The following GALNT13 variants were observed in gnomAD, a reference collection of about 807,000 sequenced individuals.
GALNT13 encodes UDP-GalNAc:polypeptide N-acetylgalactosaminyltransferase 13.
GALNT13 carries 28 observed loss-of-function variants against 64.2 expected under a neutral mutation model. That is an observed-to-expected ratio of 0.44 (90% CI 0.32 to 0.60). The LOEUF (loss-of-function observed/expected upper bound fraction) is 0.60. GALNT13 is among the 20% of genes least tolerant of loss of function. GALNT13 has a pLI of 0.05. For missense variants in GALNT13, 577 were observed against 669.8 expected (o/e 0.86, Z 1.53); for synonymous variants, 214 against 224.6 (o/e 0.95, Z 0.42).
intron 3 of GALNT13, among the ~76,000 whole-genome samples, chr2:154,067,034 G>GCTTGTT (rs1700504001): frequency 6.6e-6 from 1 of 151,882 alleles, no homozygotes; most frequent in Admixed American, 6.6e-5. Context: ...TGCTTTTCCT[G>GCTTGTT]TTTGTTTGCT....
chr2:153,383,379 C>T, the GALNT13 span, among the ~76,000 whole-genome samples: 2 of 152,008 alleles, frequency 1.3e-5, no homozygotes, highest in Admixed American at 1.3e-4. Flanking sequence ...CACACACAGC[C>T]TCATTCTCTA....
the GALNT13 span, among the ~76,000 whole-genome samples, chr2:153,097,838 G>A: frequency 6.6e-6 from 1 of 152,124 alleles, no homozygotes; most frequent in African/African-American, 2.4e-5. Context: ...GGCCGAGGTG[G>A]GTGGATCACC....
the GALNT13 span, among the ~76,000 whole-genome samples, chr2:153,199,804 A>G: frequency 1.8e-4 from 27 of 152,226 alleles, no homozygotes; most frequent in Non-Finnish European, 1.0e-4. Context: ...ATTTATAGGC[A>G]TATCAAAAAA....
intron 1 of GALNT13, among the ~76,000 whole-genome samples, chr2:153,872,561 T>G (rs1439562901): frequency 6.8e-6 from 1 of 146,534 alleles, no homozygotes; most frequent in Non-Finnish European, 1.5e-5. Flanking sequence ...CGCGGAACTT[T>G]CTGCCGCCGC....
At chr2:154,264,992 GA>G (rs2105911584) in intron 8 of GALNT13, among the ~76,000 whole-genome samples, 1 of 150,166 alleles carries the variant, frequency 6.7e-6, no homozygotes, top group Non-Finnish European at 1.5e-5. Flanking sequence ...TATATATATG[GA>G]AAAGCAATGA....
chr2:154,191,412 G>A (rs1686571970), intron 4 of GALNT13, among the ~76,000 whole-genome samples: 2 of 152,098 alleles, frequency 1.3e-5, no homozygotes, highest in Admixed American at 1.3e-4. Flanking sequence ...AGCTGCACTT[G>A]GAAGCAAGAA....
At chr2:153,445,586 C>G in the GALNT13 span, among the ~76,000 whole-genome samples, 1 of 152,104 alleles carries the variant, frequency 6.6e-6, no homozygotes, top group Admixed American at 6.5e-5. Flanking sequence ...CTGTGTTGCT[C>G]AGGCTGGTCT....
At chr2:154,292,710 G>A (rs1692712798) in intron 8 of GALNT13, among the ~76,000 whole-genome samples, 1 of 152,134 alleles carries the variant, frequency 6.6e-6, no homozygotes, top group Non-Finnish European at 1.5e-5. Flanking sequence ...TATATTAAAG[G>A]ATGACTTCGT....
the GALNT13 span, among the ~76,000 whole-genome samples, chr2:153,398,053 G>A: frequency 1.0e-3 from 153 of 150,746 alleles, no homozygotes; most frequent in Middle Eastern, 3.4e-3. Flanking sequence ...GGTATATCTC[G>A]CAATGCTATC....
At chr2:153,382,910 C>A in the GALNT13 span, among the ~76,000 whole-genome samples, 4 of 151,994 alleles carry the variant, frequency 2.6e-5, no homozygotes, top group Middle Eastern at 6.4e-3. Context: ...GGAATAGTTA[C>A]AATTCCAAGT....
the GALNT13 span, among the ~76,000 whole-genome samples, chr2:153,517,008 A>C: frequency 6.6e-6 from 1 of 151,742 alleles, no homozygotes; most frequent in Non-Finnish European, 1.5e-5. Flanking sequence ...CTGAGTTCTT[A>C]GTATGTGTGT....
the GALNT13 span, among the ~76,000 whole-genome samples, chr2:153,760,082 T>C: frequency 4.3e-4 from 66 of 152,206 alleles, no homozygotes; most frequent in Non-Finnish European, 8.4e-4. Flanking sequence ...CATACAATTA[T>C]TCAAAGTAAT....
At position 154,157,725 on chromosome 2, in the gene GALNT13, G is replaced by A. The variant is rs576143362; in HGVS notation, c.311+17220G>A. On this transcript the variant is annotated intron_variant, in intron 4 of 12. Transcript: ENST00000392825. ...ATTTTGTTTTGAATTCCCTGCAATT[G>A]ACTTTTATCCCCACAATACAGCAAA... is the stretch of plus-strand genomic sequence containing the variant. Among the ~76,000 whole-genome samples the A allele has an allele frequency of 5.3e-5, 8 of 152,222 alleles. No homozygotes were observed. In the South Asian group the frequency reaches 1.7e-3, roughly 32 times the overall value.
the GALNT13 span, among the ~76,000 whole-genome samples, chr2:153,726,350 G>GT: frequency 1.3e-5 from 2 of 151,690 alleles, no homozygotes; most frequent in Admixed American, 1.3e-4. Context: ...AAAAATGCAA[G>GT]TTTTTTTTCA....
chr2:153,093,118 T>C, the GALNT13 span, among the ~76,000 whole-genome samples: 6 of 152,024 alleles, frequency 3.9e-5, no homozygotes, highest in African/African-American at 1.5e-4. Context: ...TATCACCTGG[T>C]TTTTATCCTT....
At chr2:153,338,872 A>G in the GALNT13 span, among the ~76,000 whole-genome samples, 1 of 152,212 alleles carries the variant, frequency 6.6e-6, no homozygotes, top group Non-Finnish European at 1.5e-5. Context: ...AAGTAAAATG[A>G]TGCGATATCT....
the GALNT13 span, among the ~76,000 whole-genome samples, chr2:153,644,496 G>A: frequency 6.6e-6 from 1 of 152,024 alleles, no homozygotes; most frequent in African/African-American, 2.4e-5. Flanking sequence ...GGAAACTGGA[G>A]CTGTTAGCAG....
the GALNT13 span, among the ~76,000 whole-genome samples, chr2:153,352,483 C>T: frequency 3.3e-5 from 5 of 152,054 alleles, no homozygotes; most frequent in Non-Finnish European, 5.9e-5. Flanking sequence ...AATCCTTTCT[C>T]TCATGGATTA....
At chr2:154,391,956 G>A (rs1698814377) in intron 9 of GALNT13, among the ~76,000 whole-genome samples, 2 of 152,116 alleles carry the variant, frequency 1.3e-5, no homozygotes, top group Admixed American at 1.3e-4. Flanking sequence ...ACCTGAAGAA[G>A]TAAATTTTCA....
Sources: allele counts gnomAD v4.1 joint callset (sites outside exome capture counted in the v4.1 genomes callset), GRCh38; gene constraint gnomAD v4.1.1; transcripts MANE v1.5; gene names NCBI Gene and HGNC (gene_info 2026-07-23, HGNC 2026-07-21).